CTNNA2: variants seen among roughly 807,000 people sequenced by gnomAD.
CTNNA2 encodes catenin alpha 2.
Under a neutral mutation model 101.0 loss-of-function variants are expected in CTNNA2, and 42 were observed. That is an observed-to-expected ratio of 0.42 (90% CI 0.32 to 0.54). The LOEUF is 0.54. CTNNA2 is among the 20% of genes least tolerant of loss of function. CTNNA2 has a pLI of 0.14. For missense variants in CTNNA2, 871 were observed against 1,223.1 expected (o/e 0.71, Z 4.29); for synonymous variants, 450 against 456.4 (o/e 0.99, Z 0.18).
intron 2 of CTNNA2, among the ~76,000 whole-genome samples, chr2:79,235,949 T>G (rs1032443556): frequency 1.3e-5 from 2 of 152,044 alleles, no homozygotes; most frequent in African/African-American, 4.8e-5. Flanking sequence ...TGGCTGAGTT[T>G]AGGCATAAGC....
intron 1 of CTNNA2, among the ~76,000 whole-genome samples, chr2:79,581,991 T>C (rs1474324036): frequency 6.6e-6 from 1 of 152,214 alleles, no homozygotes; most frequent in South Asian, 2.1e-4. Context: ...ATTAACCTGA[T>C]AACCAGCATG....
chr2:80,630,483 A>G (rs1333089605), intron 18 of CTNNA2, among the ~76,000 whole-genome samples: 1 of 152,028 alleles, frequency 6.6e-6, no homozygotes, highest in East Asian at 1.9e-4. Context: ...CTAAAAATAA[A>G]AAAATTAGCT....
intron 7 of CTNNA2, among the ~76,000 whole-genome samples, chr2:80,389,224 G>T (rs879543706): frequency 6.6e-6 from 1 of 151,926 alleles, no homozygotes; most frequent in Admixed American, 6.6e-5. Flanking sequence ...GTCTTTTATT[G>T]TTTCTAGCAC....
At chr2:80,295,226 T>A (rs1323140442) in intron 7 of CTNNA2, among the ~76,000 whole-genome samples, 1 of 45,032 alleles carries the variant, frequency 2.2e-5, no homozygotes, top group African/African-American at 1.1e-4. Context: ...CCTGAACAAA[T>A]TTTTTTTTTT....
intron 7 of CTNNA2, among the ~76,000 whole-genome samples, chr2:80,369,282 C>T (rs966685479): frequency 6.6e-5 from 10 of 152,008 alleles, no homozygotes; most frequent in African/African-American, 1.4e-4. Context: ...TATATCTAAA[C>T]GTTTAGAAAG....
intron 4 of CTNNA2, among the ~76,000 whole-genome samples, chr2:79,859,762 T>G (rs2916493): frequency 0.18 from 27,662 of 152,034 alleles, 3,260 homozygotes; most frequent in East Asian, 0.46. Context: ...TGAAGGGCAG[T>G]ACAGTACTAT....
chr2:80,494,559 T>G (rs1041188023), intron 9 of CTNNA2, among the ~76,000 whole-genome samples: 9 of 152,038 alleles, frequency 5.9e-5, no homozygotes, highest in Admixed American at 1.3e-4. Context: ...TGGAGAAGAC[T>G]TAGGGGGCAG....
chr2:79,539,799 G>A (rs1261903442), intron 1 of CTNNA2, among the ~76,000 whole-genome samples: 1 of 152,086 alleles, frequency 6.6e-6, no homozygotes, highest in African/African-American at 2.4e-5. Flanking sequence ...ACAACTGCAT[G>A]GAAATTAGGG....
intron 7 of CTNNA2, chr2:80,288,806 C>T (rs1368447657): frequency 3.3e-5 from 5 of 152,210 alleles, no homozygotes; most frequent in African/African-American, 7.2e-5. Flanking sequence ...CTTTTCCTCT[C>T]TCACATCTGC....
chr2:79,220,246 C>A (rs1230859227), intron 2 of CTNNA2, among the ~76,000 whole-genome samples: 1 of 151,812 alleles, frequency 6.6e-6, no homozygotes, highest in African/African-American at 2.4e-5. Flanking sequence ...CTGAGTGATT[C>A]AAAGGGTGGG....
intron 2 of CTNNA2, among the ~76,000 whole-genome samples, chr2:79,227,315 T>G (rs1674429439): frequency 1.3e-5 from 2 of 152,148 alleles, no homozygotes; most frequent in African/African-American, 4.8e-5. Context: ...AAGTAATAAA[T>G]TTACATTTAT....
At chr2:79,266,558 A>G (rs1674989157) in intron 2 of CTNNA2, among the ~76,000 whole-genome samples, 1 of 152,156 alleles carries the variant, frequency 6.6e-6, no homozygotes, top group African/African-American at 2.4e-5. Context: ...CTGGTACTGA[A>G]TGTAATTCCA....
At chr2:79,917,837 G>T (rs1259116873) in intron 7 of CTNNA2, among the ~76,000 whole-genome samples, 1 of 152,066 alleles carries the variant, frequency 6.6e-6, no homozygotes, top group Non-Finnish European at 1.5e-5. Flanking sequence ...TCAGGTTCAG[G>T]TGTTGCCCAG....
At position 80,087,603 on chromosome 2, in the gene CTNNA2, G is replaced by A. The variant is rs567928149; in HGVS notation, c.1056+177806G>A. On this transcript the variant is annotated intron_variant, in intron 7 of 18. Coordinates refer to ENST00000402739, the MANE Select transcript of CTNNA2 (RefSeq NM_001282597.3). ...TGTGGGCTGCTCTCTGGAGTGAGCAGGTTTGGCAACCCTGAGGAAAATGAA... is the reference window on the plus strand; with the variant it reads ...TGTGGGCTGCTCTCTGGAGTGAGCAAGTTTGGCAACCCTGAGGAAAATGAA... 1.7e-3 allele frequency among the ~76,000 whole-genome samples: 253 copies of A among 152,146 alleles called. 1 individual carries two copies. The highest frequency in any genetic ancestry group is 4.0e-3 in the Admixed American group (61 of 15,266).
intron 4 of CTNNA2, among the ~76,000 whole-genome samples, chr2:79,469,753 A>C (rs781551593): frequency 3.3e-4 from 51 of 152,252 alleles, no homozygotes; most frequent in Non-Finnish European, 6.6e-4. Flanking sequence ...ATAATCCGGC[A>C]TATAAACAGA....
chr2:80,140,690 A>G (rs1040050053), intron 7 of CTNNA2, among the ~76,000 whole-genome samples: 1 of 152,212 alleles, frequency 6.6e-6, no homozygotes, highest in Non-Finnish European at 1.5e-5. Flanking sequence ...CATCCAACAC[A>G]AGGAAAACAC....
chr2:80,356,185 G>A (rs567722042), intron 7 of CTNNA2, among the ~76,000 whole-genome samples: 85 of 152,228 alleles, frequency 5.6e-4, no homozygotes, highest in African/African-American at 1.9e-3. Flanking sequence ...TTGACCAATG[G>A]TTAGTGATAA....
At chr2:80,160,428 G>A (rs188298090) in intron 7 of CTNNA2, among the ~76,000 whole-genome samples, 2 of 152,228 alleles carry the variant, frequency 1.3e-5, no homozygotes, top group Admixed American at 1.3e-4. Flanking sequence ...TCCAACCAAT[G>A]AACACAGTAT....
chr2:79,711,252 G>T (rs1685718527), intron 2 of CTNNA2, among the ~76,000 whole-genome samples: 1 of 152,168 alleles, frequency 6.6e-6, no homozygotes, highest in African/African-American at 2.4e-5. Flanking sequence ...ATGGGATGAA[G>T]ATAAAGTGGT....
Sources: gnomAD v4.1 joint callset for allele counts (sites outside exome capture counted in the v4.1 genomes callset) on GRCh38, gnomAD v4.1.1 for gene constraint, MANE v1.5 for transcripts, NCBI Gene and HGNC (gene_info 2026-07-23, HGNC 2026-07-21) for gene names.